The following CFAP92 variants were observed in gnomAD, a reference collection of about 807,000 sequenced individuals.
The protein encoded by CFAP92 is cilia and flagella associated protein 92 (putative), also known as uncharacterized protein CFAP92.
In CFAP92, 86 loss-of-function variants were observed where a neutral mutation model predicts 106.3. The ratio of observed to expected loss-of-function variants is 0.81; its 90% confidence interval spans 0.68 to 0.97. CFAP92 has a LOEUF of 0.97. Ranked by LOEUF, CFAP92 falls within the 50% of genes least tolerant of loss-of-function variation. CFAP92 has a pLI of 0.00. For synonymous variants in CFAP92, 477 were observed against 506.4 expected, an observed-to-expected ratio of 0.94 and a Z score of 0.78; for missense variants, 1,204 against 1,283.8, an observed-to-expected ratio of 0.94 and a Z score of 0.95.
At chr3:128,946,169 C>T (rs574913598) in intron 9 of CFAP92, among the ~76,000 whole-genome samples, 194 bp from the exon 10 acceptor site, 94 of 152,250 alleles carry the variant, frequency 6.2e-4, no homozygotes, top group African/African-American at 2.2e-3. Context: ...TGCATGTGAA[C>T]GCACCAGGAT....
At chr3:128,927,201 G>C (rs564599975) in intron 12 of CFAP92, among the ~76,000 whole-genome samples, 1 of 152,224 alleles carries the variant, frequency 6.6e-6, no homozygotes, top group African/African-American at 2.4e-5. Context: ...AAGAGAAAAG[G>C]CCTCAGAATT....
At chr3:128,998,850 G>A (rs1008383853), upstream of CFAP92, among the ~76,000 whole-genome samples, 3 of 152,282 alleles carry the variant, frequency 2.0e-5, no homozygotes, top group East Asian at 1.9e-4. Flanking sequence ...AATGAGCTAC[G>A]ATTTGCACAC....
intron 10 of CFAP92, among the ~76,000 whole-genome samples, chr3:128,944,136 C>T (rs767593853): frequency 5.9e-5 from 9 of 151,428 alleles, no homozygotes; most frequent in Non-Finnish European, 1.5e-5. Context: ...CACTATGTTG[C>T]CCAGGCTGGT....
intron 12 of CFAP92, among the ~76,000 whole-genome samples, chr3:128,916,739 G>C (rs1371809182): frequency 6.6e-6 from 1 of 152,202 alleles, no homozygotes; most frequent in African/African-American, 2.4e-5. Context: ...CCTGAACAGA[G>C]AGAAATAAGA....
the CFAP92 span, among the ~76,000 whole-genome samples, chr3:129,019,585 C>T: frequency 6.6e-6 from 1 of 152,030 alleles, no homozygotes; most frequent in Non-Finnish European, 1.5e-5. Context: ...TGACTGTAAA[C>T]TATTTAACTT....
intron 9 of CFAP92, among the ~76,000 whole-genome samples, chr3:128,953,524 AAAAG>A (rs202175344): frequency 0.015 from 2,198 of 149,436 alleles, 108 homozygotes; most frequent in African/African-American, 0.052. Flanking sequence ...CAAGAAAATA[AAAAG>A]AAAGAGGGAT....
intron 12 of CFAP92, among the ~76,000 whole-genome samples, chr3:128,918,716 T>C (rs983273506): frequency 6.6e-6 from 1 of 152,146 alleles, no homozygotes; most frequent in African/African-American, 2.4e-5. Context: ...ATAAAGAGAA[T>C]ATAGTTTTAT....
chr3:128,912,406 G>A (rs1053811318), intron 15 of CFAP92: 11 of 1,014,328 alleles, frequency 1.1e-5, no homozygotes, highest in African/African-American at 1.6e-5. Context: ...GCTGCTTCAT[G>A]GTGGGTGGGC....
chr3:128,915,419 G>A lies in CFAP92; in HGVS notation c.3061C>T (p.Gln1021Ter), dbSNP rs1055520731. 3 of 1,536,140 alleles carry A rather than the reference G, an allele frequency of 2.0e-6. No homozygotes were observed. The highest frequency in any genetic ancestry group is 2.6e-6 in the Non-Finnish European group (3 of 1,146,914). The change falls in exon 14 of 16, where the codon CAG (glutamine) becomes TAG (stop). Residue 1021 changes from glutamine (Q) to a stop codon, truncating the protein, a stop_gained. Coordinates refer to ENST00000645291, the MANE Select transcript of CFAP92 (RefSeq NM_001394090.1). LOFTEE classifies it high-confidence loss of function. Reference protein sequence around the residue: ...TARGFQVTGLQSDTESSFQDL... With the variant: ...TARGFQVTGL ...TGAAAGCTGCTTTCGGTGTCGCTCTGAAGACCTGTCACTTGGAATCCCCTG... is the reference window on the plus strand; with the variant it reads ...TGAAAGCTGCTTTCGGTGTCGCTCTAAAGACCTGTCACTTGGAATCCCCTG...
chr3:128,989,583 G>A (rs1559937423), intron 2 of CFAP92, among the ~76,000 whole-genome samples: 1 of 152,120 alleles, frequency 6.6e-6, no homozygotes, highest in Non-Finnish European at 1.5e-5. Flanking sequence ...AGAGCCCAAG[G>A]AGCCCCCTGA....
intron 5 of CFAP92, among the ~76,000 whole-genome samples, chr3:128,977,577 G>A (rs531968635): frequency 9.2e-5 from 14 of 152,114 alleles, no homozygotes; most frequent in African/African-American, 2.4e-4. Flanking sequence ...AAAGTTTTTC[G>A]GACCAGGTGC....
At chr3:128,963,476 T>A (rs1942113825) in intron 9 of CFAP92, among the ~76,000 whole-genome samples, 1 of 152,176 alleles carries the variant, frequency 6.6e-6, no homozygotes, top group South Asian at 2.1e-4. Flanking sequence ...GCTCCCCGGC[T>A]CCTTCAGCTG....
At chr3:128,912,741 T>C in intron 15 of CFAP92, 3 of 876,240 alleles carry the variant, frequency 3.4e-6, no homozygotes, top group Non-Finnish European at 5.8e-6. Flanking sequence ...ACCTGAAGGG[T>C]TGTCGCCTGG....
At chr3:128,912,078 G>A (rs1318610248) in intron 15 of CFAP92, among the ~76,000 whole-genome samples, 1 of 152,244 alleles carries the variant, frequency 6.6e-6, no homozygotes, top group Non-Finnish European at 1.5e-5. Context: ...CAAGTGATGG[G>A]TGTAGGCGCC....
chr3:128,927,738 A>T (rs919391986), intron 12 of CFAP92, among the ~76,000 whole-genome samples: 2 of 151,902 alleles, frequency 1.3e-5, no homozygotes, highest in East Asian at 3.9e-4. Context: ...AAAAAAAAAA[A>T]AATTAATTCT....
At chr3:129,018,500 C>T in the CFAP92 span, among the ~76,000 whole-genome samples, 1 of 152,318 alleles carries the variant, frequency 6.6e-6, no homozygotes, top group East Asian at 1.9e-4. Flanking sequence ...TGGGACTGCT[C>T]CTGTGCAGAG....
chr3:129,014,361 G>C, the CFAP92 span, among the ~76,000 whole-genome samples: 152,354 of 152,354 alleles, frequency 1, 76,177 homozygotes, highest in Non-Finnish European at 1. The surrounding 1 kb of genome is among the most constrained non-coding windows in gnomAD (Gnocchi z 4.3). Flanking sequence ...TCCCACAGCT[G>C]TGGAGGCTGA....
chr3:128,960,884 C>A (rs1420804925), intron 9 of CFAP92, among the ~76,000 whole-genome samples: 1 of 152,106 alleles, frequency 6.6e-6, no homozygotes, highest in African/African-American at 2.4e-5. Context: ...TCTCCTTCAC[C>A]CTTAGCGGCA....
intron 9 of CFAP92, among the ~76,000 whole-genome samples, chr3:128,962,183 C>T (rs1054347729): frequency 2.0e-5 from 3 of 152,122 alleles, no homozygotes; most frequent in Admixed American, 6.5e-5. Context: ...TGATGCTGCC[C>T]GATCGCCTCG....
Sources: allele counts gnomAD v4.1 joint callset (sites outside exome capture counted in the v4.1 genomes callset), GRCh38; gene constraint gnomAD v4.1.1; non-coding constraint Gnocchi (gnomAD v3.1); transcripts MANE v1.5; gene names NCBI Gene and HGNC (gene_info 2026-07-23, HGNC 2026-07-21).